The following ZNF638 variants were observed in gnomAD, a reference collection of about 807,000 sequenced individuals.
ZNF638 encodes zinc finger protein 638, also known as CTCL tumor antigen se33-1.
A neutral mutation model predicts 195.6 loss-of-function variants in ZNF638; 46 were observed. The ratio of observed to expected loss-of-function variants is 0.24; its 90% CI spans 0.19 to 0.30. The LOEUF is 0.30. ZNF638 is among the 10% of genes least tolerant of loss of function. ZNF638 has a pLI of 1.00. For synonymous variants in ZNF638, 845 were observed against 772.0 expected (o/e 1.09, Z -1.57); for missense variants, 2,440 against 2,325.3 (o/e 1.05, Z -1.01).
At chr2:71,338,898 A>G (rs1277943527) in intron 1 of ZNF638, among the ~76,000 whole-genome samples, 1 of 152,212 alleles carries the variant, frequency 6.6e-6, no homozygotes, top group Non-Finnish European at 1.5e-5. Context: ...TTAAAACTGT[A>G]TAGTAAGATG....
intron 8 of ZNF638, among the ~76,000 whole-genome samples, chr2:71,377,927 T>G (rs976903401): frequency 2.6e-5 from 4 of 152,238 alleles, no homozygotes; most frequent in African/African-American, 9.6e-5. Flanking sequence ...GGAAAAAGAT[T>G]ATGATTCGTT....
chr2:71,404,392 A>G (rs1163512793), intron 17 of ZNF638, among the ~76,000 whole-genome samples: 1 of 152,126 alleles, frequency 6.6e-6, no homozygotes, highest in Admixed American at 6.5e-5. Context: ...TCCTCATCCC[A>G]TATACCATTG....
intron 8 of ZNF638, among the ~76,000 whole-genome samples, chr2:71,372,259 C>A (rs1384625811): frequency 6.6e-6 from 1 of 152,152 alleles, no homozygotes; most frequent in East Asian, 1.9e-4. Context: ...TTCAGGTTTA[C>A]CTAGCACCCT....
At chr2:71,400,849 A>T (rs552150602) in intron 15 of ZNF638, among the ~76,000 whole-genome samples, 1 of 152,066 alleles carries the variant, frequency 6.6e-6, no homozygotes, top group Admixed American at 6.6e-5. Flanking sequence ...TGTGAAGTCT[A>T]TTTTTTTCTT....
intron 21 of ZNF638, among the ~76,000 whole-genome samples, 170 bp from the exon 22 acceptor site, chr2:71,422,644 C>A (rs1012350677): frequency 2.0e-5 from 3 of 152,154 alleles, no homozygotes; most frequent in African/African-American, 7.2e-5. Context: ...ATACATCTTA[C>A]CCATTTTATG....
At chr2:71,431,667 G>A (rs887762126) in intron 26 of ZNF638, among the ~76,000 whole-genome samples, 10 of 152,026 alleles carry the variant, frequency 6.6e-5, no homozygotes, top group Non-Finnish European at 1.0e-4. Flanking sequence ...GGCTGAGGCA[G>A]GAGAATGGCG....
chr2:71,408,626 A>G (rs2080151095), intron 20 of ZNF638: 1 of 318,472 alleles, frequency 3.1e-6, no homozygotes, highest in Non-Finnish European at 6.3e-6. Context: ...TACATTTATT[A>G]TAAACTGTTT....
intron 23 of ZNF638, 65 bp from the exon 24 acceptor site, chr2:71,426,395 C>T: frequency 8.5e-7 from 1 of 1,169,844 alleles, no homozygotes. Flanking sequence ...TTTATTGTGA[C>T]TATTTGGAAT....
chr2:71,380,409 G>T, intron 9 of ZNF638, 104 bp from the exon 10 acceptor site: 2 of 1,153,454 alleles, frequency 1.7e-6, no homozygotes, highest in South Asian at 1.6e-5. Context: ...TATCACTCCA[G>T]TTGAATTATT....
rs2079184716 is a variant in ZNF638 at position 71,365,723 on chromosome 2, T to C, written c.1995+17T>C. On this transcript the variant is annotated intron_variant, in intron 6 of 27. Transcript: ENST00000264447. ...CAGCGAAAGGTAATTCTTTAATTAA[T>C]AATTATTTTTAGAGATAAGGTTTCA... The C allele has an allele frequency of 6.4e-7, 1 of 1,573,132 alleles. No individual in the cohort carries two copies. Among genetic ancestry groups the C allele is most frequent in the Non-Finnish European group, 8.6e-7 (1 of 1,161,524 alleles).
chr2:71,375,317 C>A (rs1394841632), intron 8 of ZNF638: 1 of 152,220 alleles, frequency 6.6e-6, no homozygotes, highest in Non-Finnish European at 1.5e-5. Context: ...CAGAAATCTG[C>A]ATGTAGGTGG....
chr2:71,388,393 C>T (rs916389762), intron 10 of ZNF638: 24 of 648,202 alleles, frequency 3.7e-5, no homozygotes, highest in Middle Eastern at 3.6e-4. Context: ...ATCATCTGAC[C>T]TTTGATCATC....
chr2:71,349,040 G>T lies in ZNF638; in HGVS notation c.86G>T (p.Gly29Val). 1 of 1,614,180 alleles carries T rather than the reference G, an allele frequency of 6.2e-7. No homozygotes were observed. The change falls in exon 2 of 28, where the codon GGA (glycine) becomes GTA (valine). Residue 29 changes from glycine (G) to valine (V), a missense_variant. Physicochemically the swap from Gly to Val is moderately radical, Grantham distance 109. Around this residue, in one of 5 missense-constraint regions of ZNF638, gnomAD observed 191 missense variants for 173.8 expected, o/e 1.10. Transcript: ENST00000264447. Reference protein sequence around the residue: ...APNPSGMRPPGPFMRPGSMGL... With the variant: ...APNPSGMRPPVPFMRPGSMGL... ...AACCCTTCTGGGATGAGGCCTCCAGGACCATTTATGAGGCCTGGATCTATG... is the reference window on the plus strand; with the variant it reads ...AACCCTTCTGGGATGAGGCCTCCAGTACCATTTATGAGGCCTGGATCTATG...
At chr2:71,362,631 C>G (rs970449952) in intron 3 of ZNF638, among the ~76,000 whole-genome samples, 18 of 152,182 alleles carry the variant, frequency 1.2e-4, no homozygotes, top group African/African-American at 4.3e-4. Context: ...TTACATATTG[C>G]CACTGCATGA....
At chr2:71,365,321 C>T (rs1259680538) in intron 5 of ZNF638, 108 bp from the exon 6 acceptor site, 10 of 878,756 alleles carry the variant, frequency 1.1e-5, no homozygotes, top group Admixed American at 3.2e-5. Context: ...TTTGTATTGT[C>T]TGTGTGCTCC....
At chr2:71,343,783 C>G (rs1414597140) in intron 1 of ZNF638, among the ~76,000 whole-genome samples, 2 of 152,166 alleles carry the variant, frequency 1.3e-5, no homozygotes, top group African/African-American at 2.4e-5. Context: ...GCTCCCCTCT[C>G]CCCACCAAAA....
intron 1 of ZNF638, chr2:71,332,963 C>G (rs2078598971): frequency 1.3e-5 from 2 of 152,144 alleles, no homozygotes; most frequent in Admixed American, 1.3e-4. Flanking sequence ...AAAAAATTTT[C>G]TGCTTTTTCC....
At chr2:71,350,706 G>C (rs1210943709) in intron 2 of ZNF638, among the ~76,000 whole-genome samples, 1 of 152,188 alleles carries the variant, frequency 6.6e-6, no homozygotes, top group East Asian at 1.9e-4. Flanking sequence ...ATATACACCT[G>C]TCTTGGGATA....
At chr2:71,341,865 A>C (rs1026308057) in intron 1 of ZNF638, 1 of 152,060 alleles carries the variant, frequency 6.6e-6, no homozygotes, top group Non-Finnish European at 1.5e-5. Flanking sequence ...GCCTTTGTTT[A>C]GTTTCTGTTT....
Sources: allele counts gnomAD v4.1 joint callset (sites outside exome capture counted in the v4.1 genomes callset), GRCh38; gene constraint gnomAD v4.1.1; regional missense constraint gnomAD v4.1.1; transcripts MANE v1.5; gene names NCBI Gene and HGNC (gene_info 2026-07-23, HGNC 2026-07-21).